Variants in LRFN5 observed in about 807,000 individuals in gnomAD.
LRFN5 encodes leucine rich repeat and fibronectin type III domain containing 5, also known as leucine-rich repeat and fibronectin type-III domain-containing protein 5.
Under a neutral mutation model 45.6 loss-of-function variants are expected in LRFN5, and 24 were observed. The observed-to-expected ratio is 0.53, with a 90% CI of 0.38 to 0.74. The LOEUF (loss-of-function observed/expected upper bound fraction) is 0.74, where lower values mean the gene tolerates loss of function less well. Ranked by LOEUF, LRFN5 falls within the 30% of genes least tolerant of loss-of-function variation. The probability of loss-of-function intolerance (pLI) is 0.00; values close to 1 mark genes in which losing one functional copy is unlikely to be tolerated. For missense variants in LRFN5, 776 were observed against 861.5 expected (o/e 0.90, Z 1.24); for synonymous variants, 340 against 313.8 (o/e 1.08, Z -0.88).
intron 1 of LRFN5, among the ~76,000 whole-genome samples, chr14:41,732,352 T>C (rs1884216584): frequency 6.6e-6 from 1 of 152,204 alleles, no homozygotes; most frequent in Non-Finnish European, 1.5e-5. Context: ...CTGAGGTGAC[T>C]TCAAGGGGAT....
intron 2 of LRFN5, among the ~76,000 whole-genome samples, chr14:41,793,438 A>C (rs1351718907): frequency 2.0e-5 from 3 of 152,074 alleles, no homozygotes; most frequent in Non-Finnish European, 4.4e-5. Flanking sequence ...TAATATTGTA[A>C]CTTTTGGAAT....
At chr14:41,885,337 A>G in intron 2 of LRFN5, among the ~76,000 whole-genome samples, 1 of 150,980 alleles carries the variant, frequency 6.6e-6, no homozygotes, top group Admixed American at 6.6e-5. Flanking sequence ...AAAAAAAAAA[A>G]AAGAAAGAAA....
At chr14:41,711,867 G>A (rs900081345) in intron 1 of LRFN5, among the ~76,000 whole-genome samples, 4 of 152,080 alleles carry the variant, frequency 2.6e-5, no homozygotes, top group Non-Finnish European at 4.4e-5. Context: ...ATATAAAACC[G>A]TTTTGTGTGT....
In LRFN5 at chr14:41,756,706, C is replaced by T. The variant is rs535559632; in HGVS notation, c.-196-10148C>T. ...ACTTCTTTGCCATGGGTTCGAACTT[C>T]CTCCTTTAGCTCAGAGTAGTTTGAT... On this transcript the variant is annotated intron_variant, in intron 1 of 5. Coordinates refer to ENST00000298119, the MANE Select transcript of LRFN5 (RefSeq NM_152447.5). Among the ~76,000 whole-genome samples, 4 of 152,218 alleles carry T rather than the reference C, an allele frequency of 2.6e-5. No homozygotes were observed. The East Asian group carries it at 7.7e-4, about 29-fold the overall frequency.
At chr14:41,693,602 A>G (rs759620472) in intron 1 of LRFN5, among the ~76,000 whole-genome samples, 5 of 151,836 alleles carry the variant, frequency 3.3e-5, no homozygotes, top group Admixed American at 1.3e-4. Context: ...TCATCTTCCA[A>G]TTGTTCCTTT....
intron 1 of LRFN5, among the ~76,000 whole-genome samples, chr14:41,762,788 A>C (rs983925165): frequency 1.3e-5 from 2 of 152,132 alleles, no homozygotes; most frequent in African/African-American, 4.8e-5. Context: ...AACTGTAGTA[A>C]AACCATATGA....
Position 41,868,533 on chromosome 14 carries a change from G to A in LRFN5, c.-20-18073G>A, listed in dbSNP as rs143750103. 3.9e-3 allele frequency among the ~76,000 whole-genome samples: 599 copies of A among 152,134 alleles called. 8 individuals carry two copies. Among genetic ancestry groups the A allele is most frequent in the African/African-American group, 0.014 (574 of 41,476 alleles). On this transcript the variant is annotated intron_variant, in intron 2 of 5. Transcript: ENST00000298119. ...GCTTAAAAATTGGCCTCTCCAGAGGGCACATAAATATGAGTCCCTGTTCTC... is the reference window on the plus strand; with the variant it reads ...GCTTAAAAATTGGCCTCTCCAGAGGACACATAAATATGAGTCCCTGTTCTC...
chr14:41,788,174 A>C (rs1886796118), intron 2 of LRFN5, among the ~76,000 whole-genome samples: 1 of 152,058 alleles, frequency 6.6e-6, no homozygotes, highest in African/African-American at 2.4e-5. Flanking sequence ...GCAGAGTTAT[A>C]TTATTTTATT....
chr14:41,687,364 TAAG>T (rs1187760561), intron 1 of LRFN5, among the ~76,000 whole-genome samples: 2 of 152,200 alleles, frequency 1.3e-5, no homozygotes, highest in East Asian at 1.9e-4. Context: ...TGTGGAGAAA[TAAG>T]AACACTTTTA....
At chr14:41,697,438 G>T (rs1166526976) in intron 1 of LRFN5, among the ~76,000 whole-genome samples, 1 of 151,744 alleles carries the variant, frequency 6.6e-6, no homozygotes, top group Non-Finnish European at 1.5e-5. Context: ...ATTACTGTTA[G>T]ACATGTGTTA....
At chr14:41,793,380 T>C (rs931624395) in intron 2 of LRFN5, among the ~76,000 whole-genome samples, 15 of 152,094 alleles carry the variant, frequency 9.9e-5, no homozygotes, top group African/African-American at 3.6e-4. Flanking sequence ...TGTATAATAA[T>C]GCATGTGTAT....
intron 1 of LRFN5, among the ~76,000 whole-genome samples, chr14:41,620,272 G>A (rs960881742): frequency 9.2e-5 from 14 of 151,962 alleles, no homozygotes; most frequent in African/African-American, 2.2e-4. Context: ...TAAACTAACC[G>A]GGATATTTTA....
chr14:41,616,308 A>G (rs1235937973), intron 1 of LRFN5, among the ~76,000 whole-genome samples: 1 of 152,146 alleles, frequency 6.6e-6, no homozygotes, highest in Admixed American at 6.5e-5. Flanking sequence ...TTGGCATTTA[A>G]TGCATACTTG....
chr14:41,648,205 G>A (rs969388290), intron 1 of LRFN5, among the ~76,000 whole-genome samples: 6 of 151,994 alleles, frequency 3.9e-5, no homozygotes, highest in African/African-American at 1.4e-4. Flanking sequence ...GAAGGCTCTA[G>A]TATGGAATAT....
chr14:41,645,085 A>C (rs1230553475), intron 1 of LRFN5, among the ~76,000 whole-genome samples: 1 of 152,348 alleles, frequency 6.6e-6, no homozygotes, highest in African/African-American at 2.4e-5. Flanking sequence ...AGCGTCTTTT[A>C]TGCTTCAATT....
chr14:41,616,465 A>G (rs1397891417), intron 1 of LRFN5, among the ~76,000 whole-genome samples: 1 of 152,058 alleles, frequency 6.6e-6, no homozygotes, highest in Non-Finnish European at 1.5e-5. Flanking sequence ...ACATTCTCAC[A>G]CCTTTTCCTC....
At chr14:41,739,274 A>G (rs529096435) in intron 1 of LRFN5, among the ~76,000 whole-genome samples, 2 of 152,178 alleles carry the variant, frequency 1.3e-5, no homozygotes, top group African/African-American at 2.4e-5. Flanking sequence ...AGTCTTAGCT[A>G]TTTGGGAGGG....
At chr14:41,845,794 G>T (rs937686754) in intron 2 of LRFN5, among the ~76,000 whole-genome samples, 1 of 152,186 alleles carries the variant, frequency 6.6e-6, no homozygotes, top group East Asian at 1.9e-4. Flanking sequence ...ATAGCTAACC[G>T]CTGTAAATGC....
At chr14:41,769,113 A>G (rs1450062378) in intron 2 of LRFN5, among the ~76,000 whole-genome samples, 1 of 151,932 alleles carries the variant, frequency 6.6e-6, no homozygotes, top group Non-Finnish European at 1.5e-5. Context: ...ACACGTTCCT[A>G]ATTAGGTTTG....
Sources: gnomAD v4.1 joint callset for allele counts (sites outside exome capture counted in the v4.1 genomes callset) on GRCh38, gnomAD v4.1.1 for gene constraint, MANE v1.5 for transcripts, NCBI Gene and HGNC (gene_info 2026-07-23, HGNC 2026-07-21) for gene names.